PIP4P2: variants seen among roughly 807,000 people sequenced by gnomAD.
PIP4P2 encodes the protein type 2 phosphatidylinositol 4,5-bisphosphate 4-phosphatase.
PIP4P2 carries 19 observed loss-of-function variants against 33.3 expected under a neutral mutation model. The observed-to-expected ratio is 0.57, with a 90% CI of 0.40 to 0.84. The LOEUF (loss-of-function observed/expected upper bound fraction) is 0.84. Ranked by LOEUF, PIP4P2 falls within the 40% of genes least tolerant of loss-of-function variation. PIP4P2 has a pLI of 0.00. For missense variants in PIP4P2, 270 were observed against 324.7 expected, an observed-to-expected ratio of 0.83 and a Z score of 1.29; for synonymous variants, 110 against 111.9, an observed-to-expected ratio of 0.98 and a Z score of 0.11.
intron 5 of PIP4P2, among the ~76,000 whole-genome samples, chr8:91,003,563 A>G (rs1178804482): frequency 6.6e-6 from 1 of 152,104 alleles, no homozygotes; most frequent in Non-Finnish European, 1.5e-5. Context: ...CACATGGGAG[A>G]TTGGTTTGCA....
chr8:91,014,310 A>G (rs186789846), intron 4 of PIP4P2, among the ~76,000 whole-genome samples: 85 of 152,324 alleles, frequency 5.6e-4, no homozygotes, highest in Non-Finnish European at 1.6e-4. Context: ...TCATTGCAGC[A>G]TTATTCATAA....
In PIP4P2 at chr8:91,003,404, C is replaced by T. The variant is rs1433598030; in HGVS notation, c.539+5339G>A. 2.6e-5 allele frequency among the ~76,000 whole-genome samples: 4 copies of T among 152,114 alleles called. No individual in the cohort carries two copies. The East Asian group carries it at 7.7e-4, about 29-fold the overall frequency. Reference sequence around the variant, plus strand: ...AAGGGACATAATTGATAGGATATTACCATTTAAATATGGAGAATGATAAAA... The same window carrying T: ...AAGGGACATAATTGATAGGATATTATCATTTAAATATGGAGAATGATAAAA... On this transcript the variant is annotated intron_variant, in intron 5 of 6. Transcript: ENST00000285419.
chr8:91,026,910 T>C (rs1812089780), intron 1 of PIP4P2, among the ~76,000 whole-genome samples: 1 of 152,130 alleles, frequency 6.6e-6, no homozygotes, highest in East Asian at 1.9e-4. Flanking sequence ...CACTTGAGCA[T>C]TATGGTAGTA....
intron 1 of PIP4P2, among the ~76,000 whole-genome samples, chr8:91,035,439 G>A (rs1270711849): frequency 6.6e-6 from 1 of 152,074 alleles, no homozygotes; most frequent in East Asian, 1.9e-4. Flanking sequence ...GACATTTTTG[G>A]TCCTTACCAT....
chr8:91,017,025 C>G (rs142253638), intron 4 of PIP4P2, among the ~76,000 whole-genome samples: 193 of 152,156 alleles, frequency 1.3e-3, no homozygotes, highest in African/African-American at 4.3e-3. Flanking sequence ...ATTGTAAACA[C>G]TAAGTATTAA....
At chr8:91,038,613 C>T (rs1812264857) in intron 1 of PIP4P2, among the ~76,000 whole-genome samples, 1 of 152,096 alleles carries the variant, frequency 6.6e-6, no homozygotes, top group Admixed American at 6.5e-5. Context: ...TTGTGCTTCC[C>T]AATAAATTAA....
chr8:91,014,084 T>C (rs1165886397), intron 4 of PIP4P2, among the ~76,000 whole-genome samples: 1 of 152,074 alleles, frequency 6.6e-6, no homozygotes, highest in Non-Finnish European at 1.5e-5. Context: ...ACCATAAGGA[T>C]AAAAAAAGAG....
intron 1 of PIP4P2, among the ~76,000 whole-genome samples, chr8:91,033,165 AC>A (rs955645659): frequency 1.3e-5 from 2 of 152,140 alleles, no homozygotes; most frequent in Non-Finnish European, 2.9e-5. Context: ...TTGCTCTCCA[AC>A]CCCAAGTTTT....
At chr8:91,004,534 A>C (rs1811743221) in intron 5 of PIP4P2, among the ~76,000 whole-genome samples, 1 of 152,190 alleles carries the variant, frequency 6.6e-6, no homozygotes, top group Non-Finnish European at 1.5e-5. Context: ...ATCAAATGCT[A>C]CAGAGAAAAC....
intron 3 of PIP4P2, 65 bp from the exon 4 acceptor site, chr8:91,018,578 A>G: frequency 4.4e-6 from 7 of 1,603,370 alleles, no homozygotes; most frequent in Non-Finnish European, 6.0e-6. Flanking sequence ...AACCTGCAAC[A>G]TATGGCCAAA....
chr8:91,025,023 A>G (rs1328126900), intron 1 of PIP4P2, among the ~76,000 whole-genome samples: 3 of 152,158 alleles, frequency 2.0e-5, no homozygotes, highest in Non-Finnish European at 4.4e-5. Context: ...TCGCTCCACA[A>G]TAACAGCTGT....
At chr8:91,038,659 T>C (rs1039508154) in intron 1 of PIP4P2, among the ~76,000 whole-genome samples, 1 of 152,174 alleles carries the variant, frequency 6.6e-6, no homozygotes, top group African/African-American at 2.4e-5. Context: ...CCAGATCTTG[T>C]GTATTACTCA....
chr8:91,007,403 T>G (rs1474995419), intron 5 of PIP4P2, among the ~76,000 whole-genome samples: 3 of 152,210 alleles, frequency 2.0e-5, no homozygotes, highest in Non-Finnish European at 1.5e-5. Context: ...TTTAATTACT[T>G]TCTCCTATAA....
intron 6 of PIP4P2, 98 bp from the exon 7 acceptor site, chr8:90,995,918 T>C (rs1197640036): frequency 3.7e-6 from 5 of 1,335,400 alleles, no homozygotes; most frequent in South Asian, 3.1e-5. Context: ...TTATGAAATA[T>C]ACCCCCAGAC....
At chr8:91,016,108 G>A (rs975418772) in intron 4 of PIP4P2, among the ~76,000 whole-genome samples, 6 of 152,188 alleles carry the variant, frequency 3.9e-5, no homozygotes, top group East Asian at 1.9e-4. Context: ...AGACGGAGAC[G>A]AAAGTCTTTG....
chr8:91,021,199 T>C (rs563707297), intron 2 of PIP4P2, 57 bp downstream of exon 2: 4 of 1,588,772 alleles, frequency 2.5e-6, no homozygotes, highest in Admixed American at 1.7e-5. Flanking sequence ...GTACTTCCTT[T>C]AGGAATAAAA....
intron 1 of PIP4P2, among the ~76,000 whole-genome samples, chr8:91,035,819 AGGAGTTTGACAC>A (rs1812224995): frequency 1.3e-5 from 2 of 152,116 alleles, no homozygotes; most frequent in African/African-American, 4.8e-5. Context: ...GCTTGAGCCC[AGGAGTTTGACAC>A]CAGCCTGGGC....
intron 4 of PIP4P2, among the ~76,000 whole-genome samples, chr8:91,014,195 C>A (rs1811880180): frequency 6.6e-6 from 1 of 152,030 alleles, no homozygotes; most frequent in Non-Finnish European, 1.5e-5. Context: ...GAGAGATAAG[C>A]CAATAATGGC....
chr8:91,038,510 T>A (rs996618003), intron 1 of PIP4P2, among the ~76,000 whole-genome samples: 1 of 152,188 alleles, frequency 6.6e-6, no homozygotes, highest in Non-Finnish European at 1.5e-5. Flanking sequence ...AATTCAGCCA[T>A]GTATTTATTT....
Sources: allele counts gnomAD v4.1 joint callset (sites outside exome capture counted in the v4.1 genomes callset), GRCh38; gene constraint gnomAD v4.1.1; transcripts MANE v1.5; gene names NCBI Gene and HGNC (gene_info 2026-07-23, HGNC 2026-07-21).